The following ADAMTS2 variants were observed in gnomAD, a reference collection of about 807,000 sequenced individuals.
ADAMTS2 encodes the protein ADAM metallopeptidase with thrombospondin type 1 motif 2.
A neutral mutation model predicts 123.0 loss-of-function variants in ADAMTS2; 50 were observed. The ratio of observed to expected loss-of-function variants is 0.41; its 90% confidence interval spans 0.32 to 0.51. ADAMTS2 has a LOEUF of 0.51. ADAMTS2 is among the 20% of genes least tolerant of loss of function. ADAMTS2 has a pLI of 0.35. For missense variants in ADAMTS2, 1,494 were observed against 1,705.2 expected (o/e 0.88, Z 2.18); for synonymous variants, 678 against 695.4 (o/e 0.98, Z 0.39).
intron 21 of ADAMTS2, among the ~76,000 whole-genome samples, chr5:179,119,883 A>G (rs903896211): frequency 2.6e-5 from 4 of 152,170 alleles, no homozygotes; most frequent in Admixed American, 2.6e-4. Context: ...ACCTCCATAT[A>G]GAACCTAGAT....
At chr5:179,288,705 C>T (rs565315105) in intron 2 of ADAMTS2, among the ~76,000 whole-genome samples, 54 of 152,348 alleles carry the variant, frequency 3.5e-4, no homozygotes, top group Non-Finnish European at 6.0e-4. Context: ...CCAAAGGCGC[C>T]GTATCCAGAA....
chr5:179,167,335 C>T (rs965814066), intron 5 of ADAMTS2, among the ~76,000 whole-genome samples: 45 of 152,124 alleles, frequency 3.0e-4, no homozygotes, highest in African/African-American at 1.0e-3. Context: ...ACCCGGCGCC[C>T]AGACTCCGCG....
intron 2 of ADAMTS2, among the ~76,000 whole-genome samples, chr5:179,311,233 G>A (rs1255451431): frequency 6.6e-6 from 1 of 152,194 alleles, no homozygotes; most frequent in African/African-American, 2.4e-5. Flanking sequence ...TGGCGCTCCT[G>A]GCCCAGGTGG....
chr5:179,127,926 T>A (rs1762887531), intron 17 of ADAMTS2, 33 bp downstream of exon 17: 1 of 1,612,240 alleles, frequency 6.2e-7, no homozygotes, highest in South Asian at 1.1e-5. Context: ...CACCCTCATG[T>A]CACCCAGGTC....
chr5:179,343,304 C>A (rs1378263236), intron 2 of ADAMTS2, among the ~76,000 whole-genome samples: 2 of 152,238 alleles, frequency 1.3e-5, no homozygotes, highest in East Asian at 3.9e-4. Context: ...AGATGCTCAA[C>A]ACACTGATGT....
intron 3 of ADAMTS2, among the ~76,000 whole-genome samples, chr5:179,268,700 C>T (rs756440519): frequency 2.0e-4 from 30 of 152,312 alleles, no homozygotes; most frequent in South Asian, 1.4e-3. Context: ...AGCTCCCACA[C>T]GACAGGGTGG....
At chr5:179,283,587 A>G (rs1755895666) in intron 2 of ADAMTS2, among the ~76,000 whole-genome samples, 1 of 151,192 alleles carries the variant, frequency 6.6e-6, no homozygotes, top group Non-Finnish European at 1.5e-5. Context: ...AAAACAGAAA[A>G]CATAAATTAG....
intron 2 of ADAMTS2, among the ~76,000 whole-genome samples, chr5:179,291,017 C>A (rs1756170463): frequency 6.6e-6 from 1 of 152,200 alleles, no homozygotes. Flanking sequence ...CCCAGGAGCT[C>A]TAGGGCTGTT....
chr5:179,301,930 C>T (rs542639645), intron 2 of ADAMTS2, among the ~76,000 whole-genome samples: 27 of 152,334 alleles, frequency 1.8e-4, no homozygotes, highest in Non-Finnish European at 3.5e-4. Context: ...GGGCAGGCCC[C>T]CAGCTGCTTG....
chr5:179,252,410 CTT>C (rs1445430732), intron 3 of ADAMTS2, among the ~76,000 whole-genome samples: 2 of 152,100 alleles, frequency 1.3e-5, no homozygotes, highest in Non-Finnish European at 2.9e-5. Context: ...AAATTTATCT[CTT>C]TAATTTTTAG....
intron 2 of ADAMTS2, among the ~76,000 whole-genome samples, chr5:179,276,290 C>A (rs1339288386): frequency 6.6e-6 from 1 of 152,146 alleles, no homozygotes; most frequent in Non-Finnish European, 1.5e-5. Flanking sequence ...TGGGAGGGTC[C>A]AGCACTGATG....
At chr5:179,210,323 A>G (rs1488646253) in intron 3 of ADAMTS2, among the ~76,000 whole-genome samples, 2 of 152,220 alleles carry the variant, frequency 1.3e-5, no homozygotes, top group Non-Finnish European at 2.9e-5. Flanking sequence ...ATCGGGACAG[A>G]GCTGGGCTGG....
At chr5:179,330,041 G>T (rs1282153029) in intron 2 of ADAMTS2, among the ~76,000 whole-genome samples, 1 of 151,362 alleles carries the variant, frequency 6.6e-6, no homozygotes, top group Non-Finnish European at 1.5e-5. Context: ...CAGGAGAATG[G>T]CGTGAACCCG....
chr5:179,325,681 C>T (rs930716683), intron 2 of ADAMTS2, among the ~76,000 whole-genome samples: 1 of 152,260 alleles, frequency 6.6e-6, no homozygotes, highest in Non-Finnish European at 1.5e-5. Flanking sequence ...CTCTCTCTGC[C>T]GGGCGGCTGG....
intron 2 of ADAMTS2, among the ~76,000 whole-genome samples, chr5:179,329,054 A>G (rs549746337): frequency 6.0e-4 from 91 of 152,314 alleles, no homozygotes; most frequent in East Asian, 4.4e-3. Flanking sequence ...AAGGCCAGGC[A>G]CAGTGGCTCA....
In ADAMTS2 at chr5:179,189,425, G is replaced by A. The variant is rs1764248962; in HGVS notation, c.892-8270C>T. Among the ~76,000 whole-genome samples the A allele has an allele frequency of 6.7e-6, 1 of 148,756 alleles. No individual in the cohort carries two copies. The highest frequency in any genetic ancestry group is 2.5e-5 in the African/African-American group (1 of 40,208). On this transcript the variant is annotated intron_variant, in intron 4 of 21. Transcript: ENST00000251582. The surrounding 1 kb of genome is among the most constrained non-coding windows in gnomAD (Gnocchi z 4.2). ...TGCAGTGGCATGATCTCAGCTCACT[G>A]CCAGCTCCACCTCCCAGGTTCATGC...
At chr5:179,122,896 G>T in intron 19 of ADAMTS2, 123 bp from the exon 20 acceptor site, 3 of 1,447,764 alleles carry the variant, frequency 2.1e-6, no homozygotes, top group Non-Finnish European at 1.9e-6. Flanking sequence ...GTGGGACAGT[G>T]GGGAGAGTGG....
At chr5:179,239,775 G>A (rs1167059742) in intron 3 of ADAMTS2, among the ~76,000 whole-genome samples, 1 of 152,078 alleles carries the variant, frequency 6.6e-6, no homozygotes, top group Non-Finnish European at 1.5e-5. Context: ...CAGAGGGTGC[G>A]GGAAGAGGAA....
Position 179,181,016 on chromosome 5 carries a change from C to CAAGG in ADAMTS2, c.975+55_975+56insCCTT, listed in dbSNP as rs1764035245. 5.0e-6 allele frequency: 7 copies of CAAGG among 1,408,168 alleles called. No individual in the cohort carries two copies. Among genetic ancestry groups the CAAGG allele is most frequent in the Non-Finnish European group, 7.0e-6 (7 of 994,208 alleles). 87.2% of individuals were successfully genotyped at this position (1,408,168 alleles called of 1,614,324 possible). On this transcript the variant is annotated intron_variant, in intron 5 of 21. Coordinates refer to ENST00000251582, the MANE Select transcript of ADAMTS2 (RefSeq NM_014244.5). The surrounding 1 kb of genome is among the most constrained non-coding windows in gnomAD (Gnocchi z 4.1). ...TCCAAGGAGGCCCATGCCTCACTCC[C>CAAGG]AGGCCCCTCACTCCGAGGGGGTGGA... is the stretch of plus-strand genomic sequence containing the variant.
Sources: gnomAD v4.1 joint callset for allele counts (sites outside exome capture counted in the v4.1 genomes callset) on GRCh38, gnomAD v4.1.1 for gene constraint, Gnocchi (gnomAD v3.1) non-coding constraint, MANE v1.5 for transcripts, NCBI Gene and HGNC (gene_info 2026-07-23, HGNC 2026-07-21) for gene names.